POMT2: variants seen among roughly 807,000 people sequenced by gnomAD.
POMT2 encodes protein O-mannosyltransferase 2, also known as protein O-mannosyl-transferase 2.
Under a neutral mutation model 100.0 loss-of-function variants are expected in POMT2, and 75 were observed. The ratio of observed to expected loss-of-function variants is 0.75; its 90% CI spans 0.62 to 0.91. POMT2 has a LOEUF of 0.91. POMT2 is among the 40% of genes least tolerant of loss of function. The pLI is 0.00. For missense variants in POMT2, 940 were observed against 955.1 expected, an observed-to-expected ratio of 0.98 and a Z score of 0.21; for synonymous variants, 378 against 374.1, an observed-to-expected ratio of 1.01 and a Z score of -0.12.
At position 77,296,175 on chromosome 14, in the gene POMT2, G is replaced by A. The variant is rs779190087; in HGVS notation, c.1105C>T (p.Arg369Cys). 1.0e-5 allele frequency: 16 copies of A among 1,602,716 alleles called. No homozygotes were observed. Among genetic ancestry groups the A allele is most frequent in the Middle Eastern group, 3.3e-4 (2 of 6,054 alleles). Reference protein sequence around the residue: ...RHLYPEGIGARQQQVTTYLHK... With the variant: ...RHLYPEGIGACQQQVTTYLHK... ...AAAGGCTCACTGACCTGCTGCTGAC[G>A]GGCACCAATGCCCTCGGGGTAGAGG... Residue 369 changes from arginine to cysteine, a missense_variant, in exon 9 of 21, where the codon CGT (arginine) becomes TGT (cysteine). Coordinates refer to ENST00000261534, the MANE Select transcript of POMT2 (RefSeq NM_013382.7).
At chr14:77,309,934 T>A (rs1891378311) in intron 2 of POMT2, among the ~76,000 whole-genome samples, 1 of 152,148 alleles carries the variant, frequency 6.6e-6, no homozygotes, top group South Asian at 2.1e-4. Context: ...CACCTCAGCC[T>A]CCCAAAGTGC....
intron 10 of POMT2, 133 bp downstream of exon 10, chr14:77,291,181 T>C (rs1449112732): frequency 1.3e-5 from 10 of 790,454 alleles, no homozygotes; most frequent in African/African-American, 1.7e-5. Context: ...GAAAGGATAA[T>C]TGAGATAAGT....
intron 8 of POMT2, 62 bp from the exon 9 acceptor site, chr14:77,296,335 G>T (rs1890830723): frequency 1.6e-6 from 2 of 1,226,326 alleles, no homozygotes; most frequent in Admixed American, 2.0e-5. Flanking sequence ...GTCCGTGCCT[G>T]CGAGGAGCCT....
chr14:77,296,253 T>A lies in POMT2; in HGVS notation c.1027A>T (p.Ile343Phe). 1 of 1,605,196 alleles carries A rather than the reference T, an allele frequency of 6.2e-7. No homozygotes were observed. Residue 343 changes from isoleucine (I) to phenylalanine (F), a missense_variant, in exon 9 of 21, where the codon ATC (isoleucine) becomes TTC (phenylalanine). Physicochemically the swap from Ile to Phe is conservative, Grantham distance 21. Coordinates refer to ENST00000261534, the MANE Select transcript of POMT2 (RefSeq NM_013382.7). ...GCCATCCGGAGGTTCTTCACAGTGA[T>A]CACAGAGCCGTAGGCCAGGTCTGGG... is the stretch of plus-strand genomic sequence containing the variant. ...IPEHLAYGSV[I>F]TVKNLRMAIG...
intron 2 of POMT2, among the ~76,000 whole-genome samples, chr14:77,310,909 G>C (rs1891412647): frequency 1.3e-5 from 2 of 152,216 alleles, no homozygotes; most frequent in Admixed American, 6.5e-5. Flanking sequence ...CAAGGCGGGT[G>C]GACCACCTGA....
intron 1 of POMT2, among the ~76,000 whole-genome samples, chr14:77,313,462 T>C (rs1281148185): frequency 6.6e-6 from 1 of 152,224 alleles, no homozygotes. Context: ...AAATCACTTA[T>C]TCTCTCTAGT....
intron 8 of POMT2, among the ~76,000 whole-genome samples, chr14:77,298,184 C>A (rs1333672586): frequency 1.3e-5 from 2 of 152,188 alleles, no homozygotes; most frequent in Non-Finnish European, 2.9e-5. Context: ...CCTCTGATGC[C>A]CTTAACCGCC....
chr14:77,299,684 A>G lies in POMT2; in HGVS notation c.817-123T>C, dbSNP rs2287390. 0.25 allele frequency: 185,796 copies of G among 751,332 alleles called. 25,318 individuals carry two copies. Among genetic ancestry groups the G allele is most frequent in the East Asian group, 0.47 (16,420 of 35,020 alleles). The allele number at this position is 751,332 out of a possible 1,614,324, so 46.5% of individuals were successfully genotyped here. On this transcript the variant is annotated intron_variant, in intron 6 of 20. Transcript: ENST00000261534. Reference sequence around the variant, plus strand: ...ATAATCATAAAAAATGGCCAAGAGGAGAGAGAAGAATATGTGGAAACCCTA... The same window carrying G: ...ATAATCATAAAAAATGGCCAAGAGGGGAGAGAAGAATATGTGGAAACCCTA...
In POMT2 at chr14:77,279,928, C is replaced by A. The variant is rs1352573300; in HGVS notation, c.1786G>T (p.Val596Leu). ...CTCAACAGATTCAGCCACCAAACCA[C>A]CTGTGCAGAAATGGGAATGGGCAGA... ...DFRVYLLGNP[V>L]VWWLNLLSIA... Residue 596 changes from valine (V) to leucine (L), a missense_variant and splice_region_variant, in exon 18 of 21, where the codon GTG becomes TTG. Val to Leu is a conservative substitution (Grantham distance 32). Transcript: ENST00000261534. 6.2e-7 allele frequency: 1 copy of A among 1,614,160 alleles called. No homozygotes were observed. Among genetic ancestry groups the A allele is most frequent in the East Asian group, 2.2e-5 (1 of 44,876 alleles).
intron 9 of POMT2, among the ~76,000 whole-genome samples, chr14:77,295,631 CAAA>C (rs35870247): frequency 7.2e-5 from 6 of 83,234 alleles, no homozygotes; most frequent in Admixed American, 1.4e-4. Flanking sequence ...GACTCCATCT[CAAA>C]AAAAAAAAAA....
chr14:77,315,464 GT>G (rs1365774201), intron 1 of POMT2, among the ~76,000 whole-genome samples: 1 of 152,214 alleles, frequency 6.6e-6, no homozygotes, highest in African/African-American at 2.4e-5. Context: ...AACTGGTAAT[GT>G]TTGAGCCACG....
intron 14 of POMT2, chr14:77,284,089 A>G (rs1890329942): frequency 1.7e-6 from 1 of 585,974 alleles, no homozygotes; most frequent in South Asian, 1.8e-5. Flanking sequence ...GAAATAGACA[A>G]CAAGGTTTCA....
intron 9 of POMT2, 95 bp from the exon 10 acceptor site, chr14:77,291,475 A>G: frequency 1.3e-6 from 2 of 1,514,892 alleles, no homozygotes; most frequent in Non-Finnish European, 8.9e-7. Flanking sequence ...CCTCAAACCA[A>G]TGTTGCTTAA....
intron 10 of POMT2, among the ~76,000 whole-genome samples, chr14:77,290,311 C>T (rs1354887456): frequency 1.3e-5 from 2 of 152,194 alleles, no homozygotes; most frequent in Non-Finnish European, 2.9e-5. Flanking sequence ...TCACGTTTGG[C>T]CTGCTGAATC....
At chr14:77,298,322 G>A (rs1566654432) in intron 8 of POMT2, among the ~76,000 whole-genome samples, 4 of 152,342 alleles carry the variant, frequency 2.6e-5, no homozygotes, top group Non-Finnish European at 2.9e-5. Context: ...GTGAGCACGC[G>A]CTCCACTACC....
intron 8 of POMT2, among the ~76,000 whole-genome samples, chr14:77,297,286 A>G (rs1454344993): frequency 6.6e-6 from 1 of 152,104 alleles, no homozygotes; most frequent in Non-Finnish European, 1.5e-5. Flanking sequence ...ACACTCTCTC[A>G]AGGGCTGCTC....
intron 10 of POMT2, among the ~76,000 whole-genome samples, chr14:77,289,547 G>A (rs1890567989): frequency 6.6e-6 from 1 of 152,128 alleles, no homozygotes; most frequent in African/African-American, 2.4e-5. Flanking sequence ...TACCCGATGA[G>A]GCACTGAAGC....
intron 1 of POMT2, among the ~76,000 whole-genome samples, chr14:77,315,799 G>T (rs1028233974): frequency 5.3e-5 from 8 of 152,216 alleles, no homozygotes; most frequent in African/African-American, 1.9e-4. Flanking sequence ...ATCACCTGAG[G>T]TCAGGAGTTT....
At position 77,320,469 on chromosome 14, in the gene POMT2, G is replaced by A; in HGVS notation, c.213C>T (p.Thr71=). The A allele has an allele frequency of 6.5e-7, 1 of 1,545,766 alleles. No individual in the cohort carries two copies. The highest frequency in any genetic ancestry group is 8.7e-7 in the Non-Finnish European group (1 of 1,147,214). ...LALVTLLSFA[T]RFHRLDEPPH... is the part of the protein sequence containing the mutation. ...GCGGCTCGTCCAAGCGGTGGAAGCG[G>A]GTGGCGAAGGACAGCAGCGTCACCA... is the stretch of plus-strand genomic sequence containing the variant. Residue 71 remains threonine (T), a synonymous_variant, in exon 1 of 21, where the codon ACC becomes ACT. Coordinates refer to ENST00000261534, the MANE Select transcript of POMT2 (RefSeq NM_013382.7).
Sources: gnomAD v4.1 joint callset for allele counts (sites outside exome capture counted in the v4.1 genomes callset) on GRCh38, gnomAD v4.1.1 for gene constraint, MANE v1.5 for transcripts, NCBI Gene and HGNC (gene_info 2026-07-23, HGNC 2026-07-21) for gene names.